Variants in PDPR observed in about 807,000 individuals in gnomAD.
PDPR encodes the protein pyruvate dehydrogenase phosphatase regulatory subunit.
A neutral mutation model predicts 102.2 loss-of-function variants in PDPR; 50 were observed. That is an observed-to-expected ratio of 0.49 (90% CI 0.39 to 0.62). The LOEUF (loss-of-function observed/expected upper bound fraction) is 0.62, where lower values mean the gene tolerates loss of function less well. Among genes scored for constraint, PDPR ranks in the 20% least tolerant of loss-of-function variants. PDPR has a pLI of 0.00. For missense variants in PDPR, 625 were observed against 1,098.2 expected (o/e 0.57, Z 6.09); for synonymous variants, 259 against 406.0 (o/e 0.64, Z 4.35).
At chr16:70,116,091 C>G (rs1458822150) in intron 2 of PDPR, among the ~76,000 whole-genome samples, 1 of 147,812 alleles carries the variant, frequency 6.8e-6, no homozygotes, top group Admixed American at 6.9e-5. Flanking sequence ...CGCCAAGCAC[C>G]CTGGGCTTTT....
chr16:70,151,171 T>C (rs1037014496), intron 17 of PDPR, among the ~76,000 whole-genome samples: 1 of 152,252 alleles, frequency 6.6e-6, no homozygotes, highest in African/African-American at 2.4e-5. Context: ...CCTGACCTCG[T>C]GAGCCGCCTG....
chr16:70,134,426 A>G (rs1964884063), intron 9 of PDPR, among the ~76,000 whole-genome samples: 1 of 151,436 alleles, frequency 6.6e-6, no homozygotes, highest in African/African-American at 2.4e-5. Flanking sequence ...GGGTTTCACT[A>G]TTTGGCCAGG....
rs556620825 is a variant in PDPR at position 70,152,895 on chromosome 16, C to T, written c.2053-496C>T. 5.2e-5 allele frequency among the ~76,000 whole-genome samples: 8 copies of T among 152,392 alleles called. No individual in the cohort carries two copies. In the East Asian group the frequency reaches 1.4e-3, roughly 26 times the overall value. On this transcript the variant is annotated intron_variant, in intron 17 of 18. Transcript: ENST00000288050. ...GGCGAGCCCTGCCTTCCTGGCTCCC[C>T]CGCCGTCATCCGATGTGTGCACACG... is the stretch of plus-strand genomic sequence containing the variant.
Position 70,143,424 on chromosome 16 carries a change from C to T in PDPR, c.1606-86C>T, listed in dbSNP as rs542616853. The T allele has an allele frequency of 1.9e-4, 293 of 1,508,488 alleles. No homozygotes were observed. In the African/African-American group the frequency reaches 2.3e-3, roughly 12 times the overall value. 93.4% of individuals were successfully genotyped at this position (1,508,488 alleles called of 1,614,324 possible). A position where few individuals can be genotyped will look rare whatever the true frequency, so the allele number is the denominator to read the frequency against. On this transcript the variant is annotated intron_variant, in intron 13 of 18. Transcript: ENST00000288050. ...TGGGAATTGGCTGATTGAATTTTCT[C>T]AATGAGGTTCATTGCTGGTGGGGCC...
At chr16:70,125,790 T>C (rs1963902154) in intron 3 of PDPR, among the ~76,000 whole-genome samples, 1 of 152,148 alleles carries the variant, frequency 6.6e-6, no homozygotes, top group South Asian at 2.1e-4. Flanking sequence ...CCTGCCACCA[T>C]GCCCGGCTGA....
intron 11 of PDPR, among the ~76,000 whole-genome samples, chr16:70,139,296 C>G (rs965178292): frequency 6.6e-6 from 1 of 152,248 alleles, no homozygotes; most frequent in African/African-American, 2.4e-5. Flanking sequence ...CATAAATATT[C>G]TAAGCAATGC....
chr16:70,153,475 C>T lies in PDPR; in HGVS notation c.2137C>T (p.Leu713Phe), dbSNP rs1421902181. Residue 713 changes from leucine to phenylalanine, a missense_variant, in exon 18 of 19, where the codon CTC becomes TTC. Leu to Phe is a conservative substitution (Grantham distance 22, BLOSUM62 0). Around this residue, in one of 11 missense-constraint regions of PDPR, gnomAD observed 303 missense variants for 258.9 expected, o/e 1.17. Coordinates refer to ENST00000288050, the MANE Select transcript of PDPR (RefSeq NM_017990.5). ...RNAGYYALRS[L>F]RIEKFFAFWG... The stretch of plus-strand genomic sequence containing the variant: ...TGCTGGGTATTACGCTCTTCGCAGT[C>T]TCCGAATTGAGAAGTTTTTTGCCTT... 1 of 1,613,560 alleles carries T rather than the reference C, an allele frequency of 6.2e-7. No individual in the cohort carries two copies. The highest frequency in any genetic ancestry group is 1.1e-5 in the South Asian group (1 of 90,940).
At chr16:70,134,563 C>T (rs1378156823) in intron 9 of PDPR, among the ~76,000 whole-genome samples, 4 of 148,444 alleles carry the variant, frequency 2.7e-5, no homozygotes, top group Non-Finnish European at 3.0e-5. Flanking sequence ...GAGGCCAAGG[C>T]GGGCAGATCG....
intron 11 of PDPR, among the ~76,000 whole-genome samples, chr16:70,140,157 G>A (rs1221215853): frequency 8.5e-5 from 13 of 152,318 alleles, no homozygotes; most frequent in East Asian, 1.9e-4. Context: ...GCAACGTAGC[G>A]AAACCCTGTC....
At chr16:70,137,084 G>A (rs1340641888) in intron 10 of PDPR, among the ~76,000 whole-genome samples, 2 of 152,132 alleles carry the variant, frequency 1.3e-5, no homozygotes, top group Non-Finnish European at 2.9e-5. Flanking sequence ...CGGGCGCAGT[G>A]GCTCACGCTT....
At chr16:70,133,457 G>A (rs1374736914) in intron 9 of PDPR, among the ~76,000 whole-genome samples, 33 of 125,090 alleles carry the variant, frequency 2.6e-4, no homozygotes, top group East Asian at 1.6e-3. Flanking sequence ...TTGCTCTGTC[G>A]CCCAGACTGG....
intron 9 of PDPR, among the ~76,000 whole-genome samples, chr16:70,134,352 G>C (rs1964874154): frequency 6.6e-6 from 1 of 151,968 alleles, no homozygotes; most frequent in African/African-American, 2.4e-5. Context: ...CAGCCTCCCA[G>C]GTAGCTGGAA....
chr16:70,119,949 C>G (rs1963058672), intron 2 of PDPR, among the ~76,000 whole-genome samples: 1 of 150,826 alleles, frequency 6.6e-6, no homozygotes. Context: ...CGGAGTCTCG[C>G]TCTGTCGCCC....
intron 3 of PDPR, among the ~76,000 whole-genome samples, chr16:70,121,216 T>A (rs1036970107): frequency 3.3e-5 from 5 of 152,126 alleles, no homozygotes; most frequent in African/African-American, 1.2e-4. Context: ...CCAAGAGAAA[T>A]ATGCTCTATA....
At chr16:70,136,566 G>A (rs1458904624) in intron 10 of PDPR, among the ~76,000 whole-genome samples, 180 bp downstream of exon 10, 6 of 152,030 alleles carry the variant, frequency 3.9e-5, no homozygotes, top group African/African-American at 1.4e-4. Context: ...GGCTCCCCAT[G>A]TTCCAGAAAT....
At chr16:70,136,078 A>C (rs142254980) in intron 9 of PDPR, 116 bp from the exon 10 acceptor site, 96,438 of 905,552 alleles carry the variant, frequency 0.11, 1,916 homozygotes, top group African/African-American at 0.35. Flanking sequence ...CAAAAAAAAA[A>C]AAAAAAAAAA....
intron 17 of PDPR, 161 bp downstream of exon 17, chr16:70,148,714 G>A: frequency 1.5e-6 from 1 of 675,698 alleles, no homozygotes; most frequent in Non-Finnish European, 2.7e-6. Context: ...AGCTGAGGTA[G>A]GCTGCATTGA....
chr16:70,134,619 C>T (rs1422639025), intron 9 of PDPR, among the ~76,000 whole-genome samples: 1 of 151,192 alleles, frequency 6.6e-6, no homozygotes. Flanking sequence ...ATGGCAAAAA[C>T]CCGTCTAAAT....
chr16:70,127,405 T>A lies in PDPR; in HGVS notation c.361+12T>A, dbSNP rs1964087981. The A allele has an allele frequency of 6.2e-7, 1 of 1,604,438 alleles. No individual in the cohort carries two copies. The highest frequency in any genetic ancestry group is 1.3e-5 in the African/African-American group (1 of 74,646). ...AGGGATCCAAACAGGTAAGCAAGTGTCTTCCATTTATTGCTTTGCCTGTCC... is the reference window on the plus strand; with the variant it reads ...AGGGATCCAAACAGGTAAGCAAGTGACTTCCATTTATTGCTTTGCCTGTCC... On this transcript the variant is annotated intron_variant, in intron 4 of 18. Transcript: ENST00000288050.
Sources: gnomAD v4.1 joint callset for allele counts (sites outside exome capture counted in the v4.1 genomes callset) on GRCh38, gnomAD v4.1.1 for gene constraint, gnomAD v4.1.1 regional missense constraint, MANE v1.5 for transcripts, NCBI Gene and HGNC (gene_info 2026-07-23, HGNC 2026-07-21) for gene names.